ARSG: variants seen among roughly 807,000 people sequenced by gnomAD.
The protein encoded by ARSG is ASG.
A neutral mutation model predicts 50.5 loss-of-function variants in ARSG; 37 were observed. The ratio of observed to expected loss-of-function variants is 0.73; its 90% CI spans 0.56 to 0.96. The LOEUF (loss-of-function observed/expected upper bound fraction) is 0.96. Ranked by LOEUF, ARSG falls within the 50% of genes least tolerant of loss-of-function variation. The pLI is 0.00. For missense variants in ARSG, 629 were observed against 675.3 expected, an observed-to-expected ratio of 0.93 and a Z score of 0.76; for synonymous variants, 225 against 254.6, an observed-to-expected ratio of 0.88 and a Z score of 1.11.
intron 2 of ARSG, among the ~76,000 whole-genome samples, chr17:68,310,628 A>G (rs2076814354): frequency 6.6e-6 from 1 of 151,542 alleles, no homozygotes; most frequent in Admixed American, 6.6e-5. Context: ...ACTGGGCGAA[A>G]CTCCTCCATG....
intron 9 of ARSG, among the ~76,000 whole-genome samples, chr17:68,386,078 C>T (rs535622357): frequency 8.5e-5 from 13 of 152,280 alleles, no homozygotes; most frequent in South Asian, 2.1e-4. Flanking sequence ...TTCTTATTGC[C>T]GCCTTAAGGC....
intron 1 of ARSG, chr17:68,274,298 T>G (rs1555750223): frequency 5.2e-6 from 2 of 383,576 alleles, no homozygotes; most frequent in Non-Finnish European, 9.6e-6. Flanking sequence ...AAACCCCGTC[T>G]CTACAAAAAA....
At chr17:68,361,912 CAGAA>C (rs2079308060) in intron 6 of ARSG, among the ~76,000 whole-genome samples, 1 of 151,962 alleles carries the variant, frequency 6.6e-6, no homozygotes, top group Non-Finnish European at 1.5e-5. Context: ...GCGAAACTCT[CAGAA>C]AGAACCATGA....
chr17:68,279,450 T>G (rs142708152), intron 1 of ARSG, among the ~76,000 whole-genome samples: 224 of 152,308 alleles, frequency 1.5e-3, no homozygotes, highest in Non-Finnish European at 2.4e-3. Context: ...TCTGGGAGTT[T>G]GTTAAGCAGG....
At position 68,385,057 on chromosome 17, in the gene ARSG, C is replaced by T. The variant is rs1202175771; in HGVS notation, c.983-7C>T. 1 of 1,612,484 alleles carries T rather than the reference C, an allele frequency of 6.2e-7. No homozygotes were observed. On this transcript the variant is annotated splice_region_variant and splice_polypyrimidine_tract_variant and intron_variant, in intron 8 of 11. Transcript: ENST00000621439. ...GGATGAACCAGCTGCCTCCCCTCCT[C>T]TCACAGGGGGAAGTCCAGCCAAGCA...
At chr17:68,331,949 G>T (rs1203331865) in intron 2 of ARSG, among the ~76,000 whole-genome samples, 1 of 152,138 alleles carries the variant, frequency 6.6e-6, no homozygotes, top group Non-Finnish European at 1.5e-5. Flanking sequence ...CGAGATCACA[G>T]GACCGAGGCA....
chr17:68,294,559 A>G (rs2076140229), intron 1 of ARSG, among the ~76,000 whole-genome samples: 1 of 152,090 alleles, frequency 6.6e-6, no homozygotes, highest in African/African-American at 2.4e-5. Flanking sequence ...GCAGCCATCA[A>G]AGGGGGAGAA....
At chr17:68,451,959 T>C in the ARSG span, among the ~76,000 whole-genome samples, 1 of 152,116 alleles carries the variant, frequency 6.6e-6, no homozygotes, top group African/African-American at 2.4e-5. Context: ...GAGCAAAAAA[T>C]TCACAAAAAT....
In ARSG at chr17:68,350,251, A is replaced by G. The variant is rs182879133; in HGVS notation, c.455-1324A>G. Among the ~76,000 whole-genome samples the G allele has an allele frequency of 5.3e-5, 8 of 152,248 alleles. 1 individual carries two copies. Among genetic ancestry groups the G allele is most frequent in the Admixed American group, 2.6e-4 (4 of 15,300 alleles). ...CTTGCTTCTTTTAGGAAGGGTGCTTATAGAGAGGGCCAAAAACGATTTGGA... is the reference window on the plus strand; with the variant it reads ...CTTGCTTCTTTTAGGAAGGGTGCTTGTAGAGAGGGCCAAAAACGATTTGGA... On this transcript the variant is annotated intron_variant, in intron 4 of 11. Coordinates refer to ENST00000621439, the MANE Select transcript of ARSG (RefSeq NM_001267727.2).
Position 68,360,797 on chromosome 17 carries a change from G to A in ARSG, c.704+3993G>A, listed in dbSNP as rs1331287886. Among the ~76,000 whole-genome samples the A allele has an allele frequency of 3.3e-5, 5 of 152,060 alleles. No individual in the cohort carries two copies. In the South Asian group the frequency reaches 6.2e-4, roughly 19 times the overall value. ...TGTATCGGGCATCAGGATGAGCAGC[G>A]GCCCAGCATGTTTGAAATCAGACAT... On this transcript the variant is annotated intron_variant, in intron 6 of 11. Transcript: ENST00000621439.
chr17:68,386,083 T>C (rs1216079005), intron 9 of ARSG, among the ~76,000 whole-genome samples: 1 of 152,198 alleles, frequency 6.6e-6, no homozygotes, highest in Non-Finnish European at 1.5e-5. Context: ...ATTGCCGCCT[T>C]AAGGCAGATC....
At chr17:68,263,498 G>T (rs1371097051) in intron 1 of ARSG, among the ~76,000 whole-genome samples, 7 of 152,188 alleles carry the variant, frequency 4.6e-5, no homozygotes, top group Non-Finnish European at 7.3e-5. Flanking sequence ...ATGAGACAGG[G>T]TCTCACTCTT....
At chr17:68,433,777 T>TTTTTTTTTTTTG in the ARSG span, among the ~76,000 whole-genome samples, 1 of 63,616 alleles carries the variant, frequency 1.6e-5, no homozygotes, top group African/African-American at 4.9e-5. Context: ...TTTTTTTTTT[T>TTTTTTTTTTTTG]TTTTTTTTTT....
intron 2 of ARSG, among the ~76,000 whole-genome samples, chr17:68,333,889 G>A (rs2077897748): frequency 6.6e-6 from 1 of 152,102 alleles, no homozygotes; most frequent in South Asian, 2.1e-4. Flanking sequence ...CAGAAGTTGG[G>A]TCCTGGTGGT....
intron 6 of ARSG, among the ~76,000 whole-genome samples, chr17:68,361,159 T>C (rs1476809099): frequency 1.3e-5 from 2 of 151,970 alleles, no homozygotes; most frequent in Non-Finnish European, 2.9e-5. Context: ...CAATCTTCCA[T>C]GGTGTCATGT....
chr17:68,434,489 C>G, the ARSG span: 412 of 1,562,156 alleles, frequency 2.6e-4, 1 homozygote, highest in Non-Finnish European at 3.4e-4. Flanking sequence ...TCTCCCTAGA[C>G]AGCTGCCAGC....
intron 8 of ARSG, among the ~76,000 whole-genome samples, chr17:68,372,759 G>C (rs890969445): frequency 2.0e-5 from 3 of 151,942 alleles, no homozygotes; most frequent in Non-Finnish European, 1.5e-5. Context: ...ACCCTCAGCT[G>C]TCTCCAGGAG....
intron 1 of ARSG, among the ~76,000 whole-genome samples, chr17:68,305,059 A>G (rs1480820635): frequency 3.9e-5 from 6 of 152,294 alleles, no homozygotes; most frequent in African/African-American, 1.4e-4. Flanking sequence ...TTGTAATTCT[A>G]GCTACCCGGG....
intron 9 of ARSG, among the ~76,000 whole-genome samples, chr17:68,393,776 A>G (rs2081104546): frequency 6.6e-6 from 1 of 150,738 alleles, no homozygotes; most frequent in African/African-American, 2.5e-5. Context: ...CTGATGCAGG[A>G]GAATCGCTTG....
Sources: gnomAD v4.1 joint callset for allele counts (sites outside exome capture counted in the v4.1 genomes callset) on GRCh38, gnomAD v4.1.1 for gene constraint, MANE v1.5 for transcripts, NCBI Gene and HGNC (gene_info 2026-07-23, HGNC 2026-07-21) for gene names.